SWT1: variants seen among roughly 807,000 people sequenced by gnomAD.
SWT1 encodes SWT1 RNA endoribonuclease homolog.
Under a neutral mutation model 107.3 loss-of-function variants are expected in SWT1, and 33 were observed. The ratio of observed to expected loss-of-function variants is 0.31; its 90% CI spans 0.23 to 0.41. The LOEUF (loss-of-function observed/expected upper bound fraction) is 0.41. Ranked by LOEUF, SWT1 falls within the 10% of genes least tolerant of loss-of-function variation. The probability of loss-of-function intolerance (pLI) is 1.00; values close to 1 mark genes in which losing one functional copy is unlikely to be tolerated. For missense variants in SWT1, 898 were observed against 1,028.9 expected (o/e 0.87, Z 1.74); for synonymous variants, 345 against 348.3 (o/e 0.99, Z 0.11).
At chr1:185,233,869 A>C (rs998167975) in intron 16 of SWT1, among the ~76,000 whole-genome samples, 1 of 151,806 alleles carries the variant, frequency 6.6e-6, no homozygotes, top group Non-Finnish European at 1.5e-5. Flanking sequence ...TCAGCCTCCC[A>C]AGTAGCTGGG....
intron 12 of SWT1, among the ~76,000 whole-genome samples, chr1:185,205,443 A>C (rs530734101): frequency 6.6e-6 from 1 of 152,276 alleles, no homozygotes; most frequent in Non-Finnish European, 1.5e-5. Flanking sequence ...ATCTTGGCTC[A>C]CTGCAACCTC....
At chr1:185,287,037 G>A (rs1199872562) in intron 18 of SWT1, among the ~76,000 whole-genome samples, 5 of 152,014 alleles carry the variant, frequency 3.3e-5, no homozygotes, top group African/African-American at 4.8e-5. Flanking sequence ...CATTGCAAAT[G>A]TAGAAATTTG....
At chr1:185,276,744 T>C (rs1004929340) in intron 18 of SWT1, 76 bp downstream of exon 18, 14 of 685,144 alleles carry the variant, frequency 2.0e-5, no homozygotes, top group South Asian at 2.8e-5. Context: ...GTGGTGGTGG[T>C]GGTGGTGATG....
At chr1:185,191,865 T>C (rs1036208201) in intron 10 of SWT1, among the ~76,000 whole-genome samples, 7 of 152,216 alleles carry the variant, frequency 4.6e-5, no homozygotes, top group African/African-American at 9.6e-5. Flanking sequence ...TTAACAGATA[T>C]ACTATTTTTT....
chr1:185,290,889 C>A lies in SWT1; in HGVS notation c.*86C>A. 2 of 1,140,772 alleles carry A rather than the reference C, an allele frequency of 1.8e-6. No homozygotes were observed. The highest frequency in any genetic ancestry group is 2.4e-6 in the Non-Finnish European group (2 of 822,584). The allele number at this position is 1,140,772 out of a possible 1,614,324, so 70.7% of individuals were successfully genotyped here. Reference sequence around the variant, plus strand: ...AATCTGGTCACTCTTTTGGGCCAAACCCAAGAGAATTTTAAGAAATGTTTC... The same window carrying A: ...AATCTGGTCACTCTTTTGGGCCAAAACCAAGAGAATTTTAAGAAATGTTTC... On this transcript the variant is annotated 3_prime_UTR_variant, in exon 19 of 19. Coordinates refer to ENST00000367500, the MANE Select transcript of SWT1 (RefSeq NM_017673.7).
intron 10 of SWT1, among the ~76,000 whole-genome samples, chr1:185,202,344 T>C (rs1657951780): frequency 2.6e-5 from 4 of 152,194 alleles, no homozygotes; most frequent in African/African-American, 9.7e-5. Context: ...ACTTACTGGG[T>C]GTAACTTTGG....
chr1:185,204,374 T>C (rs1157074780), intron 11 of SWT1, among the ~76,000 whole-genome samples: 1 of 152,206 alleles, frequency 6.6e-6, no homozygotes, highest in Non-Finnish European at 1.5e-5. Flanking sequence ...CAAGGCATTC[T>C]TGTAACTCTC....
intron 2 of SWT1, among the ~76,000 whole-genome samples, chr1:185,165,646 G>T (rs1654506195): frequency 6.6e-6 from 1 of 152,162 alleles, no homozygotes; most frequent in African/African-American, 2.4e-5. Flanking sequence ...ATACTTTCCA[G>T]TGTTTTTCCA....
intron 16 of SWT1, among the ~76,000 whole-genome samples, chr1:185,253,988 AG>A (rs1335373423): frequency 2.7e-5 from 4 of 145,864 alleles, no homozygotes; most frequent in Admixed American, 6.9e-5. Context: ...TTTAGCATGA[AG>A]GGTTGTTGAA....
At chr1:185,166,678 A>T in intron 3 of SWT1, 26 bp downstream of exon 3, 2 of 1,378,456 alleles carry the variant, frequency 1.5e-6, no homozygotes, top group Non-Finnish European at 2.0e-6. Context: ...TAACTAACTA[A>T]AAGTTATTTA....
intron 10 of SWT1, among the ~76,000 whole-genome samples, chr1:185,193,021 G>A (rs1657087852): frequency 6.6e-6 from 1 of 151,976 alleles, no homozygotes; most frequent in Non-Finnish European, 1.5e-5. Flanking sequence ...TCACTTATTT[G>A]GTACCGCTAT....
intron 16 of SWT1, among the ~76,000 whole-genome samples, chr1:185,243,936 G>A (rs1347030674): frequency 6.6e-6 from 1 of 152,028 alleles, no homozygotes; most frequent in African/African-American, 2.4e-5. Context: ...AAACCTTATT[G>A]ATAAAAATGT....
At chr1:185,226,847 CT>C in intron 15 of SWT1, 1 of 1,529,872 alleles carries the variant, frequency 6.5e-7, no homozygotes, top group Non-Finnish European at 8.8e-7. Context: ...GGAAGCTTGC[CT>C]TCTTTTGAGC....
At chr1:185,233,090 A>G (rs974423365) in intron 16 of SWT1, among the ~76,000 whole-genome samples, 14 of 152,164 alleles carry the variant, frequency 9.2e-5, no homozygotes, top group African/African-American at 1.9e-4. Context: ...GATTTATTCA[A>G]TCAGAAACTG....
At chr1:185,214,182 T>G (rs1268614269) in intron 13 of SWT1, among the ~76,000 whole-genome samples, 2 of 152,144 alleles carry the variant, frequency 1.3e-5, no homozygotes, top group Non-Finnish European at 2.9e-5. Context: ...CATTGAAATC[T>G]GTGGTTTGAC....
chr1:185,289,549 T>A (rs1444965371), intron 18 of SWT1, among the ~76,000 whole-genome samples: 2 of 152,158 alleles, frequency 1.3e-5, no homozygotes, highest in African/African-American at 4.8e-5. Flanking sequence ...CAAAAAGATA[T>A]CTGCACTCCA....
At chr1:185,181,579 A>C (rs1370878651) in intron 6 of SWT1, among the ~76,000 whole-genome samples, 1 of 152,236 alleles carries the variant, frequency 6.6e-6, no homozygotes, top group Non-Finnish European at 1.5e-5. Context: ...AATGAGAATG[A>C]ACTTACTTTA....
chr1:185,202,627 C>T, intron 10 of SWT1, 27 bp from the exon 11 acceptor site: 4 of 1,591,918 alleles, frequency 2.5e-6, no homozygotes, highest in Non-Finnish European at 3.4e-6. Flanking sequence ...ATATTTTTTC[C>T]TCCTAATCCC....
chr1:185,287,434 AAAAG>A (rs1235113930), intron 18 of SWT1, among the ~76,000 whole-genome samples: 6 of 152,216 alleles, frequency 3.9e-5, no homozygotes, highest in Non-Finnish European at 7.3e-5. Context: ...CTCTTGGAAA[AAAAG>A]AAATAGGGAC....
Sources: gnomAD v4.1 joint callset for allele counts (sites outside exome capture counted in the v4.1 genomes callset) on GRCh38, gnomAD v4.1.1 for gene constraint, MANE v1.5 for transcripts, NCBI Gene and HGNC (gene_info 2026-07-23, HGNC 2026-07-21) for gene names.